FOXP1: variants seen among roughly 807,000 people sequenced by gnomAD.
The protein encoded by FOXP1 is forkhead box protein P1.
In FOXP1, 15 loss-of-function variants were observed where a neutral mutation model predicts 98.2. That is an observed-to-expected ratio of 0.15 (90% CI 0.10 to 0.24). FOXP1 has a LOEUF of 0.24. Among genes scored for constraint, FOXP1 ranks in the 10% least tolerant of loss-of-function variants. The pLI, the probability that FOXP1 is intolerant of heterozygous loss-of-function variation, is 1.00. For synonymous variants in FOXP1, 371 were observed against 314.5 expected, an observed-to-expected ratio of 1.18 and a Z score of -1.90; for missense variants, 633 against 848.5, an observed-to-expected ratio of 0.75 and a Z score of 3.15.
chr3:71,113,571 G>A (rs2058109708), intron 6 of FOXP1, among the ~76,000 whole-genome samples: 1 of 152,052 alleles, frequency 6.6e-6, no homozygotes, highest in Admixed American at 6.6e-5. Flanking sequence ...AAATTAGCTG[G>A]GTGTGGTGGC....
At chr3:71,365,076 C>T (rs1217401753) in intron 3 of FOXP1, among the ~76,000 whole-genome samples, 6 of 152,146 alleles carry the variant, frequency 3.9e-5, no homozygotes, top group East Asian at 1.9e-4. Context: ...TCTAATAAAA[C>T]GTTATTTACA....
At chr3:71,197,812 T>C in intron 6 of FOXP1, 2 of 1,441,254 alleles carry the variant, frequency 1.4e-6, no homozygotes, top group Non-Finnish European at 1.9e-6. Context: ...TTAGCTCTTA[T>C]TTCCTTCTTC....
chr3:71,471,711 TA>T (rs1404686197), intron 3 of FOXP1, among the ~76,000 whole-genome samples: 1 of 152,168 alleles, frequency 6.6e-6, no homozygotes, highest in Non-Finnish European at 1.5e-5. Flanking sequence ...CTGAAAGCCA[TA>T]CCTTCAAGGA....
At chr3:70,961,125 C>T (rs2033368951) in intron 20 of FOXP1, among the ~76,000 whole-genome samples, 1 of 150,934 alleles carries the variant, frequency 6.6e-6, no homozygotes, top group Admixed American at 6.6e-5. Flanking sequence ...AGCCACTGCG[C>T]CCGGCTGCTA....
chr3:71,226,843 G>T (rs1366772896), intron 5 of FOXP1, among the ~76,000 whole-genome samples: 1 of 152,094 alleles, frequency 6.6e-6, no homozygotes, highest in Non-Finnish European at 1.5e-5. Flanking sequence ...CACTAAGTGC[G>T]CTGTTCACCG....
chr3:71,142,465 T>G (rs1026352538), intron 6 of FOXP1, among the ~76,000 whole-genome samples: 2 of 152,218 alleles, frequency 1.3e-5, no homozygotes, highest in African/African-American at 4.8e-5. Context: ...AATTGGAGTT[T>G]AGAGCCCAGA....
Position 71,375,498 on chromosome 3 carries a change from C to T in FOXP1, c.-167-16254G>A, listed in dbSNP as rs78440644. On this transcript the variant is annotated intron_variant, in intron 3 of 20. Transcript: ENST00000649528. ...GTATAGCATACCTTACCTTAGGAAACGTAAACTCTAGAGGGGTAACTAAAA... is the reference window on the plus strand; with the variant it reads ...GTATAGCATACCTTACCTTAGGAAATGTAAACTCTAGAGGGGTAACTAAAA... Among the ~76,000 whole-genome samples, 927 of 152,182 alleles carry T rather than the reference C, an allele frequency of 6.1e-3. 18 individuals are homozygous for T. Among genetic ancestry groups the T allele is most frequent in the African/African-American group, 0.021 (865 of 41,528 alleles).
At chr3:71,082,257 T>C (rs1245743893) in intron 7 of FOXP1, among the ~76,000 whole-genome samples, 2 of 140,266 alleles carry the variant, frequency 1.4e-5, no homozygotes, top group Non-Finnish European at 3.0e-5. Context: ...CCAGCCTGGG[T>C]GACACAGTGA....
At chr3:71,297,745 A>G (rs1216093199) in intron 5 of FOXP1, among the ~76,000 whole-genome samples, 1 of 150,952 alleles carries the variant, frequency 6.6e-6, no homozygotes, top group African/African-American at 2.4e-5. Context: ...CCTCCTGAGT[A>G]GCTGGGATCA....
chr3:71,216,205 G>C (rs892356540), intron 5 of FOXP1, among the ~76,000 whole-genome samples: 2 of 152,098 alleles, frequency 1.3e-5, no homozygotes, highest in African/African-American at 4.8e-5. Context: ...ACTGCACCTG[G>C]GTGTGTTCAC....
At position 71,581,905 on chromosome 3, in the gene FOXP1, G is replaced by C. The variant is rs562097554; in HGVS notation, c.-446-208C>G. 31 of 984,488 alleles carry C rather than the reference G, an allele frequency of 3.1e-5. No individual in the cohort carries two copies. The East Asian group carries it at 2.8e-3, about 88-fold the overall frequency. The allele number at this position is 984,488 out of a possible 1,614,324, so 61.0% of individuals were successfully genotyped here. A position where few individuals can be genotyped will look rare whatever the true frequency, so the allele number is the denominator to read the frequency against. ...GATCCAGAGACCGGGAAATCGGCCC[G>C]AGCCAAAGTCTCAGCACCTTCCCCA... is the stretch of plus-strand genomic sequence containing the variant. On this transcript the variant is annotated intron_variant, in intron 1 of 20. Transcript: ENST00000649528.
chr3:71,399,860 C>T (rs2081829589), intron 3 of FOXP1, among the ~76,000 whole-genome samples: 1 of 152,206 alleles, frequency 6.6e-6, no homozygotes, highest in Non-Finnish European at 1.5e-5. Context: ...ACAAATGGCT[C>T]TACGAATCAT....
In FOXP1 at chr3:71,062,213, C is replaced by A. The variant is rs2051607795; in HGVS notation, c.283-8440G>T. On this transcript the variant is annotated intron_variant, in intron 7 of 20. Coordinates refer to ENST00000649528, the MANE Select transcript of FOXP1 (RefSeq NM_001349338.3). ...GATGATTTATGGTTTACCAACTGAG[C>A]AGGGTTACGCAACACTGCATGCCTT... Among the ~76,000 whole-genome samples the A allele has an allele frequency of 2.0e-5, 3 of 152,142 alleles. No homozygotes were observed. In the South Asian group the frequency reaches 6.2e-4, roughly 31 times the overall value.
intron 5 of FOXP1, among the ~76,000 whole-genome samples, chr3:71,225,819 T>C (rs1393592465): frequency 2.0e-5 from 3 of 152,040 alleles, no homozygotes; most frequent in Non-Finnish European, 4.4e-5. Context: ...CAATCACATC[T>C]ATGGAAAGGA....
At chr3:71,539,871 G>C (rs1359190549) in intron 2 of FOXP1, among the ~76,000 whole-genome samples, 5 of 152,148 alleles carry the variant, frequency 3.3e-5, no homozygotes, top group Non-Finnish European at 7.4e-5. Flanking sequence ...ATTTCAGGGA[G>C]ATACTATATG....
At chr3:71,486,454 C>A (rs1012259105) in intron 3 of FOXP1, among the ~76,000 whole-genome samples, 4 of 152,122 alleles carry the variant, frequency 2.6e-5, no homozygotes, top group African/African-American at 9.7e-5. Context: ...TCAGAACAGG[C>A]CTGCTGTTTC....
At position 71,448,910 on chromosome 3, in the gene FOXP1, T is replaced by C. The variant is rs115490048; in HGVS notation, c.-168+44516A>G. Among the ~76,000 whole-genome samples the C allele has an allele frequency of 2.0e-3, 311 of 152,334 alleles. 1 individual carries two copies. The highest frequency in any genetic ancestry group is 3.5e-3 in the Non-Finnish European group (240 of 68,032). On this transcript the variant is annotated intron_variant, in intron 3 of 20. Transcript: ENST00000649528. The stretch of plus-strand genomic sequence containing the variant: ...CTTTTTCATGGAGGACACTTGCAAC[T>C]GTACAACTTAGTAAGGCGTGGGCAT...
intron 2 of FOXP1, among the ~76,000 whole-genome samples, chr3:71,539,497 G>A (rs764769420): frequency 4.1e-5 from 4 of 98,224 alleles, no homozygotes; most frequent in Non-Finnish European, 4.6e-5. Flanking sequence ...TCAATCTATC[G>A]ATTTCTGCCA....
chr3:71,036,493 A>G (rs1050105552), intron 11 of FOXP1, among the ~76,000 whole-genome samples: 3 of 152,230 alleles, frequency 2.0e-5, no homozygotes, highest in African/African-American at 7.2e-5. Context: ...GTTATAAAAC[A>G]TCTAATGATG....
Sources: gnomAD v4.1 joint callset for allele counts (sites outside exome capture counted in the v4.1 genomes callset) on GRCh38, gnomAD v4.1.1 for gene constraint, MANE v1.5 for transcripts, NCBI Gene and HGNC (gene_info 2026-07-23, HGNC 2026-07-21) for gene names.